Variants in SYN3 observed in about 807,000 individuals in gnomAD.
SYN3 encodes synapsin III.
A neutral mutation model predicts 65.8 loss-of-function variants in SYN3; 35 were observed. That is an observed-to-expected ratio of 0.53 (90% CI 0.41 to 0.70). The LOEUF (loss-of-function observed/expected upper bound fraction) is 0.70, where lower values mean the gene tolerates loss of function less well. SYN3 is among the 30% of genes least tolerant of loss of function. The probability of loss-of-function intolerance (pLI) is 0.00; values close to 1 mark genes in which losing one functional copy is unlikely to be tolerated. For synonymous variants in SYN3, 270 were observed against 292.9 expected (o/e 0.92, Z 0.80); for missense variants, 680 against 749.0 (o/e 0.91, Z 1.08).
At chr22:32,614,826 C>G (rs532646523) in intron 6 of SYN3, among the ~76,000 whole-genome samples, 2 of 152,172 alleles carry the variant, frequency 1.3e-5, no homozygotes, top group African/African-American at 2.4e-5. Context: ...GGGGCCCCCT[C>G]CTCGGAATCC....
chr22:32,879,671 T>C (rs1488396455), intron 4 of SYN3, among the ~76,000 whole-genome samples: 2 of 152,216 alleles, frequency 1.3e-5, no homozygotes, highest in Non-Finnish European at 2.9e-5. Context: ...ATTTGAACTC[T>C]GAGGAACACA....
rs1327813855 is a variant in SYN3 at position 32,511,471 on chromosome 22, G to A, written c.*2221C>T. The stretch of plus-strand genomic sequence containing the variant: ...ATTCTGCCAGCTCCTGGCCAGACTA[G>A]TTCTGTTGCATTGCACAGGCTGAGC... On this transcript the variant is annotated 3_prime_UTR_variant, in exon 14 of 14. Transcript: ENST00000358763. Among the ~76,000 whole-genome samples, 1 of 152,234 alleles carries A rather than the reference G, an allele frequency of 6.6e-6. No individual in the cohort carries two copies. Among genetic ancestry groups the A allele is most frequent in the Non-Finnish European group, 1.5e-5 (1 of 68,046 alleles).
chr22:32,808,667 G>A (rs1175605112), intron 6 of SYN3, among the ~76,000 whole-genome samples: 1 of 152,046 alleles, frequency 6.6e-6, no homozygotes, highest in East Asian at 1.9e-4. Context: ...ACACCCCCTC[G>A]GTTTTGAACA....
intron 6 of SYN3, chr22:32,635,318 T>A (rs73154365): frequency 0.073 from 11,179 of 152,276 alleles, 594 homozygotes; most frequent in South Asian, 0.21. Context: ...TTCTCTCTTC[T>A]TTATTTTCCA....
rs112911533 is a variant in SYN3 at position 32,734,347 on chromosome 22, G to C, written c.711+130568C>G. Among the ~76,000 whole-genome samples, 918 of 152,338 alleles carry C rather than the reference G, an allele frequency of 6.0e-3. 3 individuals are homozygous for C. Among genetic ancestry groups the C allele is most frequent in the Non-Finnish European group, 8.9e-3 (607 of 68,032 alleles). On this transcript the variant is annotated intron_variant, in intron 6 of 13. Coordinates refer to ENST00000358763, the MANE Select transcript of SYN3 (RefSeq NM_003490.4). ...CCACCACCTTCATCTCCAGGTGCAGGGGGGAGAGAGTATGGGCAGCTGCTG... is the reference window on the plus strand; with the variant it reads ...CCACCACCTTCATCTCCAGGTGCAGCGGGGAGAGAGTATGGGCAGCTGCTG...
At chr22:32,585,981 T>C (rs1910044820) in intron 7 of SYN3, among the ~76,000 whole-genome samples, 1 of 82,446 alleles carries the variant, frequency 1.2e-5, no homozygotes, top group South Asian at 4.6e-4. Context: ...TATGTATATA[T>C]GTATGTATAC....
At chr22:32,593,185 G>A (rs969660172) in intron 7 of SYN3, among the ~76,000 whole-genome samples, 1 of 151,910 alleles carries the variant, frequency 6.6e-6, no homozygotes, top group Non-Finnish European at 1.5e-5. Context: ...CAAACATAAG[G>A]AGAAAAGTCC....
chr22:32,940,387 A>ATT (rs137562), intron 3 of SYN3, among the ~76,000 whole-genome samples: 19 of 151,536 alleles, frequency 1.3e-4, no homozygotes, highest in South Asian at 8.4e-4. Flanking sequence ...ACAATTTAGT[A>ATT]TTTTTTTTAC....
At chr22:32,546,793 G>C (rs947573955) in intron 7 of SYN3, among the ~76,000 whole-genome samples, 1 of 152,024 alleles carries the variant, frequency 6.6e-6, no homozygotes, top group African/African-American at 2.4e-5. Flanking sequence ...GCTATGATGG[G>C]GCCACTGTGA....
chr22:32,531,219 CA>C (rs1443364260), intron 10 of SYN3, among the ~76,000 whole-genome samples: 1 of 148,172 alleles, frequency 6.7e-6, no homozygotes, highest in Non-Finnish European at 1.5e-5. Flanking sequence ...GAGCTCTGCG[CA>C]GGTCGTACCT....
intron 6 of SYN3, among the ~76,000 whole-genome samples, chr22:32,760,450 C>T (rs148418138): frequency 2.4e-4 from 36 of 152,186 alleles, no homozygotes; most frequent in East Asian, 5.9e-4. Context: ...CATGAGGAAA[C>T]GGGGCTCAGA....
intron 6 of SYN3, among the ~76,000 whole-genome samples, chr22:32,718,492 T>A: frequency 6.6e-6 from 1 of 150,564 alleles, no homozygotes; most frequent in Non-Finnish European, 1.5e-5. Flanking sequence ...CTCATAGTCC[T>A]TTTTTCAAGG....
At chr22:32,620,868 C>T (rs887476773) in intron 6 of SYN3, among the ~76,000 whole-genome samples, 6 of 150,548 alleles carry the variant, frequency 4.0e-5, no homozygotes, top group African/African-American at 7.5e-5. Flanking sequence ...TACAGGCACG[C>T]GCCACCAAGT....
chr22:33,015,327 G>T, intron 1 of SYN3: 1 of 669,270 alleles, frequency 1.5e-6, no homozygotes, highest in Non-Finnish European at 2.4e-6. Flanking sequence ...AAACAAAGAC[G>T]TGAAGAATCC....
At chr22:32,521,442 A>ATTTTTTTTTTTTTT (rs34710233) in intron 12 of SYN3, among the ~76,000 whole-genome samples, 1 of 119,780 alleles carries the variant, frequency 8.3e-6, no homozygotes, top group Non-Finnish European at 1.6e-5. Context: ...ACACCTCTTG[A>ATTTTTTTTTTTTTT]TTTTTTTTTT....
At chr22:33,012,422 T>C (rs997058679) in intron 1 of SYN3, among the ~76,000 whole-genome samples, 4 of 152,250 alleles carry the variant, frequency 2.6e-5, no homozygotes, top group Non-Finnish European at 2.9e-5. Context: ...TATGGTTCAA[T>C]ACAGTCTACC....
chr22:32,964,837 C>T (rs970271140), intron 3 of SYN3, among the ~76,000 whole-genome samples: 3 of 151,944 alleles, frequency 2.0e-5, no homozygotes, highest in Non-Finnish European at 2.9e-5. Context: ...CATTTCCTGT[C>T]TGGTGCTGAC....
At chr22:32,615,631 G>A (rs1281328359) in intron 6 of SYN3, among the ~76,000 whole-genome samples, 1 of 152,030 alleles carries the variant, frequency 6.6e-6, no homozygotes, top group African/African-American at 2.4e-5. Context: ...GGCTTTGAGG[G>A]ATAGCACGCT....
chr22:32,954,786 G>C (rs1358406122), intron 3 of SYN3, among the ~76,000 whole-genome samples: 2 of 151,988 alleles, frequency 1.3e-5, no homozygotes, highest in African/African-American at 4.8e-5. Context: ...AGACCATAGT[G>C]AGGGGACATA....
Sources: gnomAD v4.1 joint callset for allele counts (sites outside exome capture counted in the v4.1 genomes callset) on GRCh38, gnomAD v4.1.1 for gene constraint, MANE v1.5 for transcripts, NCBI Gene and HGNC (gene_info 2026-07-23, HGNC 2026-07-21) for gene names.